Variants in LMO3 observed in about 807,000 individuals in gnomAD.
LMO3 encodes the protein LIM domain only protein 3.
LMO3 carries 2 observed loss-of-function variants against 15.8 expected under a neutral mutation model. The ratio of observed to expected loss-of-function variants is 0.13; its 90% CI spans 0.05 to 0.40. LMO3 has a LOEUF of 0.40. Among genes scored for constraint, LMO3 ranks in the 10% least tolerant of loss-of-function variants. The pLI, the probability that LMO3 is intolerant of heterozygous loss-of-function variation, is 0.99. For missense variants in LMO3, 86 were observed against 182.2 expected (o/e 0.47, Z 3.04); for synonymous variants, 62 against 63.8 (o/e 0.97, Z 0.13).
At chr12:16,602,701 A>G (rs1293011461) in intron 1 of LMO3, among the ~76,000 whole-genome samples, 1 of 152,226 alleles carries the variant, frequency 6.6e-6, no homozygotes, top group Admixed American at 6.5e-5. Context: ...AACTTCTAAC[A>G]AATGAAGTTT....
At chr12:16,557,260 T>G (rs942877397) in intron 3 of LMO3, among the ~76,000 whole-genome samples, 1 of 152,014 alleles carries the variant, frequency 6.6e-6, no homozygotes, top group Non-Finnish European at 1.5e-5. Flanking sequence ...GGACATAAAC[T>G]GCCTACTTCT....
chr12:16,593,817 A>T lies in LMO3; in HGVS notation c.206+6838T>A, dbSNP rs1398396579. ...CTAAATGCCACATTTCTTGCTTCACAGTATAAACTTCCACTTCAAAATAAG... is the reference window on the plus strand; with the variant it reads ...CTAAATGCCACATTTCTTGCTTCACTGTATAAACTTCCACTTCAAAATAAG... On this transcript the variant is annotated intron_variant, in intron 2 of 3. Transcript: ENST00000537304. This position sits in a 1 kb window ranked among gnomAD's most constrained non-coding sequence, Gnocchi z 4.2. 6.6e-6 allele frequency among the ~76,000 whole-genome samples: 1 copy of T among 151,822 alleles called. No homozygotes were observed. Among genetic ancestry groups the T allele is most frequent in the East Asian group, 1.9e-4 (1 of 5,188 alleles).
intron 3 of LMO3, among the ~76,000 whole-genome samples, chr12:16,554,368 G>A (rs1265499032): frequency 6.6e-6 from 1 of 152,084 alleles, no homozygotes; most frequent in African/African-American, 2.4e-5. Flanking sequence ...CACTTAGCTA[G>A]GGAGCTCCAA....
At chr12:16,564,827 C>G (rs1942535126) in intron 2 of LMO3, among the ~76,000 whole-genome samples, 1 of 152,124 alleles carries the variant, frequency 6.6e-6, no homozygotes, top group Admixed American at 6.6e-5. Context: ...ACTCTGTCAC[C>G]TAGGCTGGAA....
chr12:16,579,194 T>C (rs919633932), intron 2 of LMO3, among the ~76,000 whole-genome samples: 16 of 152,312 alleles, frequency 1.1e-4, no homozygotes, highest in African/African-American at 3.1e-4. Flanking sequence ...TTCCCTTAGA[T>C]ACACATAATT....
intron 1 of LMO3, 95 bp downstream of exon 1, chr12:16,605,971 G>GA (rs926030586): frequency 4.2e-6 from 3 of 711,640 alleles, no homozygotes; most frequent in Non-Finnish European, 2.3e-6. Context: ...GGTTGGGGAA[G>GA]AAAAAAATAC....
At position 16,559,057 on chromosome 12, in the gene LMO3, G is replaced by C. The variant is rs1195000775; in HGVS notation, c.332+1356C>G. On this transcript the variant is annotated intron_variant, in intron 3 of 3. Coordinates refer to ENST00000537304, the MANE Select transcript of LMO3 (RefSeq NM_018640.5). This position sits in a 1 kb window ranked among gnomAD's most constrained non-coding sequence, Gnocchi z 4.1. ...GTCACATTCTTTCTACTATTCTACA[G>C]GGTCTCATAAGAAGATTCTGCATCA... Among the ~76,000 whole-genome samples, 1 of 152,070 alleles carries C rather than the reference G, an allele frequency of 6.6e-6. No homozygotes were observed. Among genetic ancestry groups the C allele is most frequent in the East Asian group, 1.9e-4 (1 of 5,192 alleles).
At chr12:16,562,123 C>T (rs1160281143) in intron 2 of LMO3, among the ~76,000 whole-genome samples, 1 of 152,070 alleles carries the variant, frequency 6.6e-6, no homozygotes, top group Non-Finnish European at 1.5e-5. Flanking sequence ...TAATTTCCTA[C>T]TGGCATCATC....
chr12:16,608,100 C>T (rs1944062170), upstream of LMO3: 1 of 152,394 alleles, frequency 6.6e-6, no homozygotes, highest in Non-Finnish European at 1.5e-5. This position sits in a 1 kb window ranked among gnomAD's most constrained non-coding sequence, Gnocchi z 4.1. Flanking sequence ...CCCCACCTCT[C>T]TGCTACAGCC....
chr12:16,580,862 G>C (rs760333178), intron 2 of LMO3, among the ~76,000 whole-genome samples: 18 of 152,106 alleles, frequency 1.2e-4, no homozygotes, highest in Non-Finnish European at 2.4e-4. Context: ...ATTATACAAA[G>C]AAACAGAATT....
chr12:16,572,930 A>C (rs1028656884), intron 2 of LMO3, among the ~76,000 whole-genome samples: 11 of 151,724 alleles, frequency 7.3e-5, no homozygotes, highest in Non-Finnish European at 1.6e-4. Flanking sequence ...AGTGGATATA[A>C]AATTGATCAT....
intron 2 of LMO3, among the ~76,000 whole-genome samples, chr12:16,571,958 C>T (rs570486131): frequency 1.3e-5 from 2 of 151,932 alleles, no homozygotes; most frequent in South Asian, 4.1e-4. Flanking sequence ...AGGATTTTTG[C>T]ATTGCCTCAA....
chr12:16,563,301 G>A (rs1006804872), intron 2 of LMO3, among the ~76,000 whole-genome samples: 5 of 152,056 alleles, frequency 3.3e-5, no homozygotes, highest in African/African-American at 9.7e-5. Flanking sequence ...AGCTACATTC[G>A]AGTTCTCTTT....
rs1443823658 is a variant in LMO3 at position 16,599,967 on chromosome 12, G to A, written c.206+688C>T. 1 of 152,064 alleles carries A rather than the reference G, an allele frequency of 6.6e-6. No homozygotes were observed. Among genetic ancestry groups the A allele is most frequent in the Non-Finnish European group, 1.5e-5 (1 of 68,032 alleles). 9.4% of individuals were successfully genotyped at this position (152,064 alleles called of 1,614,324 possible). A position where few individuals can be genotyped will look rare whatever the true frequency, so the allele number is the denominator to read the frequency against. On this transcript the variant is annotated intron_variant, in intron 2 of 3. Transcript: ENST00000537304. This position sits in a 1 kb window ranked among gnomAD's most constrained non-coding sequence, Gnocchi z 4.1. ...GGTTCAATTGCTTAGTTGTATTTTT[G>A]AGATTCCCGTTTAGAATGTCATGAG... is the stretch of plus-strand genomic sequence containing the variant.
intron 2 of LMO3, among the ~76,000 whole-genome samples, chr12:16,570,596 A>G (rs1318012898): frequency 6.6e-6 from 1 of 152,130 alleles, no homozygotes; most frequent in East Asian, 1.9e-4. Flanking sequence ...TTCATGTGTC[A>G]ATTTCACCAT....
chr12:16,572,865 C>T (rs1312904243), intron 2 of LMO3, among the ~76,000 whole-genome samples: 1 of 151,604 alleles, frequency 6.6e-6, no homozygotes, highest in Non-Finnish European at 1.5e-5. Flanking sequence ...GCCAAACCTG[C>T]TAAGGTATTT....
Position 16,591,053 on chromosome 12 carries a change from C to A in LMO3, c.206+9602G>T, listed in dbSNP as rs191027030. ...CAACTGCCTCACTGAATAAGCTTTA[C>A]AATGGTTTTCAAATTGAAGTATTAT... On this transcript the variant is annotated intron_variant, in intron 2 of 3. Transcript: ENST00000537304. The surrounding 1 kb of genome is among the most constrained non-coding windows in gnomAD (Gnocchi z 4.1). Among the ~76,000 whole-genome samples, 34 of 152,142 alleles carry A rather than the reference C, an allele frequency of 2.2e-4. No individual in the cohort carries two copies. The East Asian group carries it at 6.2e-3, about 28-fold the overall frequency.
chr12:16,580,796 ATTG>A (rs1943136507), intron 2 of LMO3, among the ~76,000 whole-genome samples: 2 of 152,148 alleles, frequency 1.3e-5, no homozygotes, highest in African/African-American at 4.8e-5. Context: ...GCTAATCTCT[ATTG>A]TTAAATTTTT....
chr12:16,562,404 AG>A (rs1471798510), intron 2 of LMO3, among the ~76,000 whole-genome samples: 1 of 152,212 alleles, frequency 6.6e-6, no homozygotes, highest in Admixed American at 6.5e-5. Flanking sequence ...GCCGTTTTTA[AG>A]AATTATTCAG....
Sources: gnomAD v4.1 joint callset for allele counts (sites outside exome capture counted in the v4.1 genomes callset) on GRCh38, gnomAD v4.1.1 for gene constraint, Gnocchi (gnomAD v3.1) non-coding constraint, MANE v1.5 for transcripts, NCBI Gene and HGNC (gene_info 2026-07-23, HGNC 2026-07-21) for gene names.